Variants in GALNT2 observed in about 807,000 individuals in gnomAD.
GALNT2 encodes polypeptide N-acetylgalactosaminyltransferase 2, also known as UDP-GalNAc:polypeptide N-acetylgalactosaminyltransferase 2.
GALNT2 carries 31 observed loss-of-function variants against 81.4 expected under a neutral mutation model. The observed-to-expected ratio is 0.38, with a 90% CI of 0.29 to 0.51. The LOEUF (loss-of-function observed/expected upper bound fraction) is 0.51, where lower values mean the gene tolerates loss of function less well. Ranked by LOEUF, GALNT2 falls within the 20% of genes least tolerant of loss-of-function variation. The probability of loss-of-function intolerance (pLI) is 0.87; values close to 1 mark genes in which losing one functional copy is unlikely to be tolerated. For missense variants in GALNT2, 629 were observed against 765.7 expected (o/e 0.82, Z 2.11); for synonymous variants, 303 against 287.4 (o/e 1.05, Z -0.55).
intron 1 of GALNT2, among the ~76,000 whole-genome samples, chr1:230,140,618 A>C (rs1224566165): frequency 6.6e-6 from 1 of 152,216 alleles, no homozygotes; most frequent in Non-Finnish European, 1.5e-5. Flanking sequence ...ACGCGCTGCC[A>C]CAGCTGGAGG....
chr1:230,145,566 T>C (rs929541385), intron 1 of GALNT2, among the ~76,000 whole-genome samples: 1 of 152,274 alleles, frequency 6.6e-6, no homozygotes. Flanking sequence ...TGGGGATTCC[T>C]CCGCTGAGGT....
chr1:230,101,391 C>T (rs1443762508), intron 1 of GALNT2, among the ~76,000 whole-genome samples: 4 of 152,240 alleles, frequency 2.6e-5, no homozygotes, highest in African/African-American at 7.2e-5. Context: ...TGCCCAGCTC[C>T]TGTCGGATGC....
chr1:230,122,060 G>C (rs1661033735), intron 1 of GALNT2, among the ~76,000 whole-genome samples: 2 of 150,332 alleles, frequency 1.3e-5, no homozygotes, highest in South Asian at 4.2e-4. Context: ...CTGGGACTGT[G>C]GGTTTAGAAT....
intron 2 of GALNT2, among the ~76,000 whole-genome samples, chr1:230,191,111 G>A (rs1400397064): frequency 6.6e-6 from 1 of 152,180 alleles, no homozygotes; most frequent in Non-Finnish European, 1.5e-5. Flanking sequence ...GAGATCAGTA[G>A]CCAGAAATGT....
At chr1:230,189,996 C>T (rs1252288789) in intron 2 of GALNT2, among the ~76,000 whole-genome samples, 1 of 152,176 alleles carries the variant, frequency 6.6e-6, no homozygotes, top group African/African-American at 2.4e-5. Context: ...ACCATGTGCC[C>T]TGTGATACAT....
intron 1 of GALNT2, among the ~76,000 whole-genome samples, chr1:230,099,740 C>T (rs1660348408): frequency 6.6e-6 from 1 of 152,238 alleles, no homozygotes; most frequent in Non-Finnish European, 1.5e-5. Context: ...ACCAGGCATG[C>T]CCAGTGGCTC....
intron 1 of GALNT2, among the ~76,000 whole-genome samples, chr1:230,082,684 C>T (rs1486590457): frequency 2.0e-5 from 3 of 152,236 alleles, no homozygotes; most frequent in African/African-American, 7.2e-5. Flanking sequence ...CTAGGCATTG[C>T]CCCTGCTCAT....
At chr1:230,095,810 G>A (rs553211112) in intron 1 of GALNT2, among the ~76,000 whole-genome samples, 22 of 152,336 alleles carry the variant, frequency 1.4e-4, no homozygotes, top group African/African-American at 3.8e-4. Flanking sequence ...GCTAGAAGAC[G>A]TCCAGGCTGC....
chr1:230,086,591 G>A (rs551953237), intron 1 of GALNT2, among the ~76,000 whole-genome samples: 3 of 152,060 alleles, frequency 2.0e-5, no homozygotes, highest in South Asian at 2.1e-4. Flanking sequence ...TTTTTCCCCC[G>A]TGTGTTAAGG....
intron 2 of GALNT2, among the ~76,000 whole-genome samples, chr1:230,202,904 C>T (rs1289484557): frequency 6.6e-6 from 1 of 152,220 alleles, no homozygotes; most frequent in African/African-American, 2.4e-5. Context: ...GATGCCTGTA[C>T]ACCAGGCCTT....
intron 15 of GALNT2, 61 bp downstream of exon 15, chr1:230,274,625 T>C (rs1666237323): frequency 1.9e-6 from 3 of 1,601,990 alleles, no homozygotes; most frequent in South Asian, 1.1e-5. Flanking sequence ...AGCCACGGCC[T>C]GCGCCCTCTT....
chr1:230,094,837 C>T (rs1558080301), intron 1 of GALNT2, among the ~76,000 whole-genome samples: 1 of 152,068 alleles, frequency 6.6e-6, no homozygotes, highest in African/African-American at 2.4e-5. Context: ...CCTAATCCTT[C>T]CCACACGTCT....
intron 2 of GALNT2, among the ~76,000 whole-genome samples, chr1:230,186,301 C>T (rs971173825): frequency 6.6e-6 from 1 of 152,150 alleles, no homozygotes. Context: ...ACACCAGATG[C>T]AGGTATGTCA....
At chr1:230,245,932 G>T in intron 7 of GALNT2, 131 bp from the exon 8 acceptor site, 1 of 724,406 alleles carries the variant, frequency 1.4e-6, no homozygotes, top group Non-Finnish European at 2.5e-6. Context: ...GGTTCTTGAG[G>T]GCCTAGGGTA....
At chr1:230,156,298 T>G (rs967536194) in intron 1 of GALNT2, among the ~76,000 whole-genome samples, 6 of 151,376 alleles carry the variant, frequency 4.0e-5, no homozygotes, top group Admixed American at 2.6e-4. Flanking sequence ...TCCTGAATCT[T>G]GGGGAGAAAA....
In GALNT2 at chr1:230,193,946, C is replaced by T. The variant is rs1035328473; in HGVS notation, c.221-9191C>T. On this transcript the variant is annotated intron_variant, in intron 2 of 15. Transcript: ENST00000366672. This position sits in a 1 kb window ranked among gnomAD's most constrained non-coding sequence, Gnocchi z 4.3. The stretch of plus-strand genomic sequence containing the variant: ...TATGCTCAGCCTCCACTCCCAGGCA[C>T]CATGGACCGTTACAGTCGCCAGCCA... Among the ~76,000 whole-genome samples the T allele has an allele frequency of 6.6e-6, 1 of 152,200 alleles. No homozygotes were observed. Among genetic ancestry groups the T allele is most frequent in the Admixed American group, 6.5e-5 (1 of 15,278 alleles).
intron 1 of GALNT2, among the ~76,000 whole-genome samples, chr1:230,097,469 A>T (rs1660285920): frequency 6.6e-6 from 1 of 152,130 alleles, no homozygotes; most frequent in African/African-American, 2.4e-5. Flanking sequence ...ACTACTCTAG[A>T]TACTTCTATT....
chr1:230,133,439 TTTC>T (rs975446146), intron 1 of GALNT2, among the ~76,000 whole-genome samples: 1 of 148,112 alleles, frequency 6.8e-6, no homozygotes, highest in African/African-American at 2.5e-5. Flanking sequence ...TCTGTTTCGA[TTTC>T]TTTTTTCTTT....
At chr1:230,175,222 CAT>C (rs1332644978) in intron 1 of GALNT2, among the ~76,000 whole-genome samples, 3 of 152,206 alleles carry the variant, frequency 2.0e-5, no homozygotes, top group African/African-American at 4.8e-5. Flanking sequence ...AGTGACCAGA[CAT>C]ATTCTGAGAT....
Sources: gnomAD v4.1 joint callset for allele counts (sites outside exome capture counted in the v4.1 genomes callset) on GRCh38, gnomAD v4.1.1 for gene constraint, Gnocchi (gnomAD v3.1) non-coding constraint, MANE v1.5 for transcripts, NCBI Gene and HGNC (gene_info 2026-07-23, HGNC 2026-07-21) for gene names.